Variants in GNA14 observed in about 807,000 individuals in gnomAD.
GNA14 encodes the protein G protein subunit alpha 14, also known as guanine nucleotide-binding protein subunit alpha-14.
A neutral mutation model predicts 42.0 loss-of-function variants in GNA14; 50 were observed. That is an observed-to-expected ratio of 1.19 (90% CI 0.95 to 1.51). GNA14 has a LOEUF of 1.51. Ranked by LOEUF, GNA14 falls within the 40% of genes most tolerant of loss-of-function variation. The pLI is 0.00. For missense variants in GNA14, 473 were observed against 446.2 expected (o/e 1.06, Z -0.54); for synonymous variants, 173 against 163.1 (o/e 1.06, Z -0.46).
At chr9:77,645,605 C>T (rs149839643) in intron 1 of GNA14, among the ~76,000 whole-genome samples, 2 of 152,262 alleles carry the variant, frequency 1.3e-5, no homozygotes, top group East Asian at 3.9e-4. Context: ...GAGCAATGGC[C>T]TGGGAAGATA....
intron 1 of GNA14, among the ~76,000 whole-genome samples, chr9:77,644,579 C>A (rs1824325747): frequency 6.6e-6 from 1 of 152,058 alleles, no homozygotes; most frequent in South Asian, 2.1e-4. Flanking sequence ...CAAGCCAACA[C>A]CTTGCTCTTG....
At position 77,648,261 on chromosome 9, in the gene GNA14, GC is replaced by G; in HGVS notation, c.-469del. ...GAGTGGGTTGGAGGCAAAGGACCTG[GC>G]TGGCCTTTGCCTGGAAAGTTCTGAA... On this transcript the variant is annotated 5_prime_UTR_variant, in exon 1 of 7. Coordinates refer to ENST00000341700, the MANE Select transcript of GNA14 (RefSeq NM_004297.4). The G allele has an allele frequency of 5.1e-6, 1 of 194,666 alleles. No individual in the cohort carries two copies. Among genetic ancestry groups the G allele is most frequent in the South Asian group, 9.0e-5 (1 of 11,064 alleles). 12.1% of individuals were successfully genotyped at this position (194,666 alleles called of 1,614,324 possible).
chr9:77,603,224 T>G (rs1236663271), intron 1 of GNA14, among the ~76,000 whole-genome samples: 1 of 152,182 alleles, frequency 6.6e-6, no homozygotes, highest in African/African-American at 2.4e-5. Context: ...ATGCCCTTTC[T>G]CTTAGCCATT....
At chr9:77,503,597 C>G (rs968214470) in intron 2 of GNA14, among the ~76,000 whole-genome samples, 3 of 151,808 alleles carry the variant, frequency 2.0e-5, no homozygotes, top group Non-Finnish European at 4.4e-5. Flanking sequence ...CTCAAATGCT[C>G]TATGGAAATA....
At chr9:77,594,610 T>C (rs1467595995) in intron 1 of GNA14, among the ~76,000 whole-genome samples, 1 of 152,184 alleles carries the variant, frequency 6.6e-6, no homozygotes, top group Non-Finnish European at 1.5e-5. Context: ...CTCTCTCCAT[T>C]GTGAAAGGGG....
chr9:77,468,850 A>G (rs1836280125), intron 2 of GNA14, among the ~76,000 whole-genome samples: 1 of 152,184 alleles, frequency 6.6e-6, no homozygotes. Context: ...GCAAGAAATA[A>G]ATCTTAGTTG....
intron 2 of GNA14, among the ~76,000 whole-genome samples, chr9:77,519,365 T>C (rs573715768): frequency 1.3e-5 from 2 of 148,324 alleles, no homozygotes; most frequent in African/African-American, 2.6e-5. Flanking sequence ...GAGCCGAGAT[T>C]GCGCCACTAC....
intron 2 of GNA14, among the ~76,000 whole-genome samples, chr9:77,489,707 C>G (rs990397273): frequency 5.3e-5 from 8 of 152,002 alleles, no homozygotes; most frequent in African/African-American, 1.5e-4. Flanking sequence ...GTGAGTGTTA[C>G]AGCTCTTAAG....
chr9:77,482,492 T>G (rs1231485830), intron 2 of GNA14, among the ~76,000 whole-genome samples: 2 of 152,206 alleles, frequency 1.3e-5, no homozygotes, highest in Non-Finnish European at 2.9e-5. Flanking sequence ...TTAACATTTT[T>G]TCCTTCCTTT....
chr9:77,598,477 A>T (rs1382250757), intron 1 of GNA14, among the ~76,000 whole-genome samples: 1 of 152,168 alleles, frequency 6.6e-6, no homozygotes, highest in Non-Finnish European at 1.5e-5. Flanking sequence ...ACCTCCTCAG[A>T]GCAGGTTTGG....
intron 2 of GNA14, among the ~76,000 whole-genome samples, chr9:77,527,495 AT>A (rs1195509897): frequency 9.9e-5 from 15 of 152,006 alleles, no homozygotes; most frequent in African/African-American, 1.7e-4. Flanking sequence ...ATTTTTTGCA[AT>A]TTTTTTTAAG....
chr9:77,526,161 C>A (rs1399659003), intron 2 of GNA14, among the ~76,000 whole-genome samples: 1 of 151,182 alleles, frequency 6.6e-6, no homozygotes, highest in Non-Finnish European at 1.5e-5. Context: ...TGGCTGCCTG[C>A]CTCGGCCTCC....
At chr9:77,448,881 C>G (rs1016300475) in intron 2 of GNA14, among the ~76,000 whole-genome samples, 8 of 152,120 alleles carry the variant, frequency 5.3e-5, no homozygotes, top group Non-Finnish European at 1.2e-4. Flanking sequence ...GCAAGAGAAT[C>G]CCACCTAAGC....
chr9:77,485,621 A>G (rs1836645863), intron 2 of GNA14, among the ~76,000 whole-genome samples: 1 of 152,200 alleles, frequency 6.6e-6, no homozygotes, highest in Admixed American at 6.5e-5. Context: ...TAAAAAATGC[A>G]TTTTGTAAAT....
intron 1 of GNA14, among the ~76,000 whole-genome samples, chr9:77,532,158 A>G (rs1837538882): frequency 6.6e-6 from 1 of 152,128 alleles, no homozygotes; most frequent in South Asian, 2.1e-4. Context: ...AATCAGAAAG[A>G]TTAAATTGGT....
At chr9:77,456,121 C>G (rs1802465534) in intron 2 of GNA14, among the ~76,000 whole-genome samples, 1 of 152,094 alleles carries the variant, frequency 6.6e-6, no homozygotes. Context: ...TACAACCACT[C>G]CAGGAAATAA....
chr9:77,605,976 T>G (rs940735751), intron 1 of GNA14, among the ~76,000 whole-genome samples: 1 of 152,218 alleles, frequency 6.6e-6, no homozygotes, highest in Non-Finnish European at 1.5e-5. Context: ...GTTTCATATA[T>G]TCTGTTGAGA....
intron 1 of GNA14, among the ~76,000 whole-genome samples, chr9:77,604,356 A>C (rs1823617814): frequency 6.6e-6 from 1 of 152,202 alleles, no homozygotes; most frequent in Admixed American, 6.5e-5. Context: ...CAAGCATCAA[A>C]GGCTGAAGTT....
chr9:77,563,442 A>G (rs1395662701), intron 1 of GNA14, among the ~76,000 whole-genome samples: 1 of 152,174 alleles, frequency 6.6e-6, no homozygotes, highest in Admixed American at 6.5e-5. Flanking sequence ...CTTGCCAAAC[A>G]CTGATTTGTT....
Sources: gnomAD v4.1 joint callset for allele counts (sites outside exome capture counted in the v4.1 genomes callset) on GRCh38, gnomAD v4.1.1 for gene constraint, MANE v1.5 for transcripts, NCBI Gene and HGNC (gene_info 2026-07-23, HGNC 2026-07-21) for gene names.